MEGF11: variants seen among roughly 807,000 people sequenced by gnomAD.
The protein encoded by MEGF11 is multiple epidermal growth factor-like domains protein 11.
MEGF11 carries 126 observed loss-of-function variants against 146.6 expected under a neutral mutation model. The ratio of observed to expected loss-of-function variants is 0.86; its 90% CI spans 0.74 to 1.00. The LOEUF is 1.00. MEGF11 is among the 50% of genes least tolerant of loss of function. The pLI, the probability that MEGF11 is intolerant of heterozygous loss-of-function variation, is 0.00. For synonymous variants in MEGF11, 532 were observed against 583.4 expected (o/e 0.91, Z 1.27); for missense variants, 1,509 against 1,521.2 (o/e 0.99, Z 0.13).
chr15:66,094,069 G>C (rs747630893), intron 5 of MEGF11, among the ~76,000 whole-genome samples: 47 of 152,150 alleles, frequency 3.1e-4, no homozygotes, highest in Non-Finnish European at 5.0e-4. Context: ...GACCTCCTCA[G>C]TGTGTACTCC....
chr15:66,186,338 G>A (rs745347292), intron 1 of MEGF11, among the ~76,000 whole-genome samples: 6 of 152,114 alleles, frequency 3.9e-5, no homozygotes, highest in Non-Finnish European at 7.4e-5. Flanking sequence ...GTCTGCCCCG[G>A]GACTGGCCAG....
At chr15:66,129,668 C>T (rs566373367) in intron 1 of MEGF11, among the ~76,000 whole-genome samples, 19 of 152,214 alleles carry the variant, frequency 1.2e-4, no homozygotes, top group African/African-American at 4.1e-4. Flanking sequence ...AGATACAAGC[C>T]GGCATGTATT....
intron 10 of MEGF11, among the ~76,000 whole-genome samples, chr15:65,933,244 A>G (rs1037732144): frequency 3.9e-5 from 6 of 152,164 alleles, no homozygotes; most frequent in East Asian, 1.9e-4. Context: ...GAAAACTCCA[A>G]TTTCTCCAAG....
intron 12 of MEGF11, among the ~76,000 whole-genome samples, chr15:65,929,426 C>T (rs1388186276): frequency 2.0e-5 from 3 of 152,164 alleles, no homozygotes; most frequent in African/African-American, 7.2e-5. Context: ...GAATCTGAAG[C>T]TGCATTTGAG....
chr15:66,087,544 T>G (rs2086159866), intron 5 of MEGF11, among the ~76,000 whole-genome samples: 1 of 152,178 alleles, frequency 6.6e-6, no homozygotes, highest in South Asian at 2.1e-4. Context: ...TGTAAATACA[T>G]GGACATTAAA....
intron 4 of MEGF11, among the ~76,000 whole-genome samples, chr15:66,099,227 T>C (rs1167163063): frequency 7.7e-6 from 1 of 129,342 alleles, no homozygotes; most frequent in Non-Finnish European, 1.6e-5. Flanking sequence ...TTTTTTGATA[T>C]GGAGTCTTGC....
chr15:66,222,880 A>C (rs904351341), intron 1 of MEGF11, among the ~76,000 whole-genome samples: 2 of 152,184 alleles, frequency 1.3e-5, no homozygotes, highest in African/African-American at 4.8e-5. Context: ...ACCCTCATAC[A>C]CTGCTGGTGG....
chr15:65,898,111 A>T lies in MEGF11; in HGVS notation c.3263-17T>A, dbSNP rs532643428. Reference sequence around the variant, plus strand: ...CTGTGGGCTCTAAGAAATATAGTGAAAAATGAGTTCAGAGAACAGATTAGC... The same window carrying T: ...CTGTGGGCTCTAAGAAATATAGTGATAAATGAGTTCAGAGAACAGATTAGC... On this transcript the variant is annotated splice_polypyrimidine_tract_variant and intron_variant, in intron 25 of 25. Coordinates refer to ENST00000395614, the MANE Select transcript of MEGF11 (RefSeq NM_001385028.1). The T allele has an allele frequency of 6.2e-7, 1 of 1,607,122 alleles. No homozygotes were observed. The highest frequency in any genetic ancestry group is 2.2e-5 in the East Asian group (1 of 44,756).
intron 8 of MEGF11, among the ~76,000 whole-genome samples, 192 bp downstream of exon 8, chr15:65,970,361 G>A (rs2081261896): frequency 6.6e-6 from 1 of 152,196 alleles, no homozygotes; most frequent in Admixed American, 6.5e-5. Context: ...CTAGGCTAGA[G>A]AAGAGGGTGT....
intron 4 of MEGF11, among the ~76,000 whole-genome samples, chr15:66,107,777 G>A (rs535164730): frequency 6.6e-6 from 1 of 152,282 alleles, no homozygotes; most frequent in African/African-American, 2.4e-5. Flanking sequence ...TCCCTTGAGT[G>A]TACCCTGGAA....
At chr15:65,923,152 C>T (rs1337128190) in intron 13 of MEGF11, among the ~76,000 whole-genome samples, 183 bp from the exon 14 acceptor site, 1 of 152,146 alleles carries the variant, frequency 6.6e-6, no homozygotes, top group Non-Finnish European at 1.5e-5. Context: ...AAGTGATGTC[C>T]AGAGTTCTAA....
chr15:65,970,894 A>G (rs2081279913), intron 7 of MEGF11: 1 of 599,362 alleles, frequency 1.7e-6, no homozygotes, highest in African/African-American at 1.9e-5. Context: ...ATTCAGCACA[A>G]TTTAGGAACT....
chr15:65,919,540 A>G (rs781651159), intron 15 of MEGF11, among the ~76,000 whole-genome samples: 1 of 150,182 alleles, frequency 6.7e-6, no homozygotes, highest in South Asian at 2.1e-4. Flanking sequence ...CTTTATTGCA[A>G]AAAAAAAATG....
intron 5 of MEGF11, among the ~76,000 whole-genome samples, chr15:66,063,593 A>T (rs1223252911): frequency 6.6e-6 from 1 of 152,168 alleles, no homozygotes; most frequent in East Asian, 1.9e-4. Context: ...GCCTCTCCCC[A>T]CAAGTCTTCA....
At chr15:65,910,596 G>A (rs532393853) in intron 21 of MEGF11, among the ~76,000 whole-genome samples, 8 of 152,262 alleles carry the variant, frequency 5.3e-5, no homozygotes, top group African/African-American at 1.9e-4. Flanking sequence ...CACCAAGTTG[G>A]CTACTCTGCA....
At chr15:65,979,987 C>A (rs1227231044) in intron 7 of MEGF11, among the ~76,000 whole-genome samples, 1 of 152,158 alleles carries the variant, frequency 6.6e-6, no homozygotes, top group Non-Finnish European at 1.5e-5. Flanking sequence ...CAGGCTACAT[C>A]AGAATCACCT....
intron 5 of MEGF11, among the ~76,000 whole-genome samples, chr15:66,084,588 A>G (rs2086024452): frequency 6.6e-6 from 1 of 152,206 alleles, no homozygotes; most frequent in Admixed American, 6.5e-5. Context: ...TGACTTTACC[A>G]GGAGCTGAAT....
intron 1 of MEGF11, among the ~76,000 whole-genome samples, chr15:66,252,215 G>GCACCCCCCGCCCCCCACCCCC: frequency 6.8e-6 from 1 of 146,378 alleles, no homozygotes; most frequent in East Asian, 2.0e-4. Flanking sequence ...GCCGCGAGCC[G>GCACCCCCCGCCCCCCACCCCC]CACCCCCCGC....
At chr15:66,053,130 G>A (rs1423739719) in intron 5 of MEGF11, among the ~76,000 whole-genome samples, 1 of 152,174 alleles carries the variant, frequency 6.6e-6, no homozygotes, top group African/African-American at 2.4e-5. Flanking sequence ...GTGGGCCAGT[G>A]AATGTATGGA....
Sources: allele counts gnomAD v4.1 joint callset (sites outside exome capture counted in the v4.1 genomes callset), GRCh38; gene constraint gnomAD v4.1.1; transcripts MANE v1.5; gene names NCBI Gene and HGNC (gene_info 2026-07-23, HGNC 2026-07-21).